OCLN: variants seen among roughly 807,000 people sequenced by gnomAD.
OCLN encodes phosphatase 1, regulatory subunit 115.
OCLN carries 21 observed loss-of-function variants against 47.9 expected under a neutral mutation model. The observed-to-expected ratio is 0.44, with a 90% CI of 0.31 to 0.63. OCLN has a LOEUF of 0.63. OCLN is among the 30% of genes least tolerant of loss of function. OCLN has a pLI of 0.08. For synonymous variants in OCLN, 117 were observed against 198.4 expected (o/e 0.59, Z 3.45); for missense variants, 360 against 571.0 (o/e 0.63, Z 3.77).
chr5:69,504,955 A>T (rs377287136), intron 2 of OCLN, among the ~76,000 whole-genome samples: 8 of 150,866 alleles, frequency 5.3e-5, no homozygotes, highest in Non-Finnish European at 2.9e-5. Context: ...CTCCGTCTGA[A>T]AAAAAGAAAA....
At position 69,504,181 on chromosome 5, in the gene OCLN, G is replaced by T; in HGVS notation, c.-64G>T. The T allele has an allele frequency of 5.3e-6, 6 of 1,122,640 alleles. No homozygotes were observed. Among genetic ancestry groups the T allele is most frequent in the Non-Finnish European group, 8.2e-6 (6 of 731,752 alleles). 69.5% of individuals were successfully genotyped at this position (1,122,640 alleles called of 1,614,324 possible). On this transcript the variant is annotated 5_prime_UTR_variant, in exon 2 of 9. Coordinates refer to ENST00000396442, the MANE Select transcript of OCLN (RefSeq NM_001205254.2). Reference sequence around the variant, plus strand: ...AACTCTACTTTTGTTGCTTAGATTGGTTTATCTTGGAAGCTAAAGGGCATT... The same window carrying T: ...AACTCTACTTTTGTTGCTTAGATTGTTTTATCTTGGAAGCTAAAGGGCATT...
At chr5:69,520,725 C>T (rs28659922) in intron 4 of OCLN, among the ~76,000 whole-genome samples, 29,627 of 151,922 alleles carry the variant, frequency 0.2, 4,004 homozygotes, top group African/African-American at 0.38. Flanking sequence ...CTCTGTCACC[C>T]GTGTTGGAGT....
Position 69,499,732 on chromosome 5 carries a change from G to A in OCLN, c.-68-4445G>A, listed in dbSNP as rs149147181. 2.8e-3 allele frequency among the ~76,000 whole-genome samples: 427 copies of A among 152,104 alleles called. 1 individual carries two copies. The highest frequency in any genetic ancestry group is 5.8e-3 in the South Asian group (28 of 4,810). ...CCTGAGTAGCTGGGGCTACAGGCGCGCGCCACCAAGCCCAGCTAATTTTTG... is the reference window on the plus strand; with the variant it reads ...CCTGAGTAGCTGGGGCTACAGGCGCACGCCACCAAGCCCAGCTAATTTTTG... On this transcript the variant is annotated intron_variant, in intron 1 of 8. Transcript: ENST00000396442.
intron 7 of OCLN, among the ~76,000 whole-genome samples, chr5:69,549,166 TAAAA>T (rs57565533): frequency 9.6e-6 from 1 of 104,638 alleles, no homozygotes; most frequent in Non-Finnish European, 1.9e-5. Flanking sequence ...CCGTCTCTAC[TAAAA>T]AAAAAAAAAA....
chr5:69,506,771 C>T (rs1447844967), intron 2 of OCLN, among the ~76,000 whole-genome samples: 2 of 152,200 alleles, frequency 1.3e-5, no homozygotes, highest in Non-Finnish European at 2.9e-5. Flanking sequence ...AACCTCCTTA[C>T]TAGTGCCTAA....
intron 5 of OCLN, among the ~76,000 whole-genome samples, chr5:69,535,858 C>T (rs1769568556): frequency 6.6e-6 from 1 of 152,194 alleles, no homozygotes. Context: ...GGGGCGGTGG[C>T]TCACGCCTAT....
intron 4 of OCLN, among the ~76,000 whole-genome samples, chr5:69,519,928 G>A (rs1028510247): frequency 9.2e-5 from 14 of 152,160 alleles, no homozygotes; most frequent in African/African-American, 3.4e-4. Flanking sequence ...TTCAAACCTG[G>A]TTGTTCAAGG....
rs1004230939 is a variant in OCLN at position 69,532,360 on chromosome 5, G to A, written c.892-2334G>A. On this transcript the variant is annotated intron_variant, in intron 4 of 8. Coordinates refer to ENST00000396442, the MANE Select transcript of OCLN (RefSeq NM_001205254.2). Reference sequence around the variant, plus strand: ...AGAGGTCTTCCCATCTCAGCCTCCCGAGTAGCTGGCACTACAAGCACACGT... The same window carrying A: ...AGAGGTCTTCCCATCTCAGCCTCCCAAGTAGCTGGCACTACAAGCACACGT... Among the ~76,000 whole-genome samples, 4 of 152,068 alleles carry A rather than the reference G, an allele frequency of 2.6e-5. No homozygotes were observed. In the South Asian group the frequency reaches 6.2e-4, roughly 24 times the overall value.
At chr5:69,536,834 G>T (rs1769601537) in intron 5 of OCLN, among the ~76,000 whole-genome samples, 1 of 152,130 alleles carries the variant, frequency 6.6e-6, no homozygotes, top group East Asian at 1.9e-4. Flanking sequence ...CGGGCATGGT[G>T]GCGGGTGCCT....
At chr5:69,528,179 CA>C (rs1222690635) in intron 4 of OCLN, among the ~76,000 whole-genome samples, 1 of 151,898 alleles carries the variant, frequency 6.6e-6, no homozygotes, top group Non-Finnish European at 1.5e-5. Context: ...TGTAAAATAT[CA>C]AAAAACAGGA....
intron 7 of OCLN, among the ~76,000 whole-genome samples, chr5:69,550,458 C>T (rs1327081946): frequency 6.6e-6 from 1 of 151,620 alleles, no homozygotes; most frequent in Non-Finnish European, 1.5e-5. Flanking sequence ...TCCCAAAGTG[C>T]TGGAATTACG....
intron 1 of OCLN, among the ~76,000 whole-genome samples, chr5:69,501,895 G>A (rs554565602): frequency 1.3e-5 from 2 of 152,030 alleles, no homozygotes; most frequent in Admixed American, 1.3e-4. Context: ...CTGTCCTAAA[G>A]GGTATAGAAG....
Position 69,499,976 on chromosome 5 carries a change from C to T in OCLN, c.-68-4201C>T, listed in dbSNP as rs548452272. Among the ~76,000 whole-genome samples the T allele has an allele frequency of 4.6e-5, 7 of 152,290 alleles. No homozygotes were observed. In the South Asian group the frequency reaches 1.2e-3, roughly 27 times the overall value. On this transcript the variant is annotated intron_variant, in intron 1 of 8. Coordinates refer to ENST00000396442, the MANE Select transcript of OCLN (RefSeq NM_001205254.2). ...GAGATAAGGAATTTGTCTCAGATTG[C>T]GAGCCAGTAAATGGGGGCTGTTAAA...
At chr5:69,511,241 A>ATTT (rs56327483) in intron 3 of OCLN, among the ~76,000 whole-genome samples, 2 of 142,702 alleles carry the variant, frequency 1.4e-5, no homozygotes, top group African/African-American at 2.6e-5. Flanking sequence ...CGCCCAGCTA[A>ATTT]TTTTTTTTTT....
chr5:69,496,072 T>C (rs1459519591), intron 1 of OCLN, among the ~76,000 whole-genome samples: 3 of 152,134 alleles, frequency 2.0e-5, no homozygotes, highest in African/African-American at 4.8e-5. Context: ...GCCTGTAGTC[T>C]AAATCATTTA....
intron 4 of OCLN, among the ~76,000 whole-genome samples, chr5:69,517,073 A>G (rs950659695): frequency 2.0e-5 from 3 of 152,114 alleles, no homozygotes; most frequent in African/African-American, 4.8e-5. Flanking sequence ...AAAAAAATAA[A>G]AATGAAAAGA....
chr5:69,515,747 G>T (rs1768941120), intron 4 of OCLN, among the ~76,000 whole-genome samples: 1 of 149,556 alleles, frequency 6.7e-6, no homozygotes, highest in African/African-American at 2.5e-5. Context: ...ATATGGGGCG[G>T]TTGCCAGGCG....
chr5:69,492,670 C>G (rs866823781), upstream of OCLN: 2 of 152,580 alleles, frequency 1.3e-5, no homozygotes, highest in Non-Finnish European at 2.9e-5. Context: ...GTGGGACTCG[C>G]GGCGCTGGCC....
intron 1 of OCLN, among the ~76,000 whole-genome samples, chr5:69,495,950 T>C (rs1164862636): frequency 2.0e-5 from 3 of 152,188 alleles, no homozygotes; most frequent in Non-Finnish European, 2.9e-5. Flanking sequence ...TCTCAAAATA[T>C]GTGATGTGTT....
Sources: allele counts gnomAD v4.1 joint callset (sites outside exome capture counted in the v4.1 genomes callset), GRCh38; gene constraint gnomAD v4.1.1; transcripts MANE v1.5; gene names NCBI Gene and HGNC (gene_info 2026-07-23, HGNC 2026-07-21).